Variants in ANXA8 observed in about 807,000 individuals in gnomAD.
ANXA8 encodes the protein annexin A8.
A neutral mutation model predicts 26.8 loss-of-function variants in ANXA8; 9 were observed. That is an observed-to-expected ratio of 0.34 (90% confidence interval 0.20 to 0.59). ANXA8 has a LOEUF of 0.59. ANXA8 is among the 20% of genes least tolerant of loss of function. The probability of loss-of-function intolerance (pLI) is 0.84; values close to 1 mark genes in which losing one functional copy is unlikely to be tolerated. For missense variants in ANXA8, 83 were observed against 238.5 expected (o/e 0.35, Z 4.29); for synonymous variants, 39 against 94.8 (o/e 0.41, Z 3.42).
At chr10:47,513,576 CA>C in the ANXA8 span, among the ~76,000 whole-genome samples, 4 of 140,574 alleles carry the variant, frequency 2.8e-5, no homozygotes, top group African/African-American at 5.1e-5. Context: ...CCGGCACAGC[CA>C]AAACAAAACT....
chr10:47,946,014 T>A, the ANXA8 span, among the ~76,000 whole-genome samples: 1 of 140,626 alleles, frequency 7.1e-6, no homozygotes, highest in Admixed American at 7.1e-5. Context: ...GGCTAACACA[T>A]TTTTTTTAGG....
chr10:47,665,999 G>C, the ANXA8 span, among the ~76,000 whole-genome samples: 1 of 151,760 alleles, frequency 6.6e-6, no homozygotes, highest in African/African-American at 2.4e-5. Context: ...AACTTGCCTA[G>C]TGAGAGTGAA....
chr10:47,693,456 A>AT, the ANXA8 span, among the ~76,000 whole-genome samples: 1 of 151,318 alleles, frequency 6.6e-6, no homozygotes, highest in African/African-American at 2.4e-5. Context: ...CGCGCGGCTA[A>AT]TTTTTTTGTA....
At chr10:47,565,106 A>G in the ANXA8 span, 2 of 754,120 alleles carry the variant, frequency 2.7e-6, no homozygotes, top group Admixed American at 3.6e-5. Context: ...GCGCCCGTCC[A>G]TCTCGCCCAA....
upstream of ANXA8, chr10:47,487,094 T>G: frequency 2.2e-6 from 2 of 929,784 alleles, no homozygotes; most frequent in Non-Finnish European, 3.2e-6. Context: ...CCCTGATTGA[T>G]CACTATTCTG....
chr10:47,941,549 G>A, the ANXA8 span, among the ~76,000 whole-genome samples: 1 of 147,072 alleles, frequency 6.8e-6, no homozygotes, highest in Admixed American at 6.7e-5. Flanking sequence ...CAGCACTCGG[G>A]AGGCTGAGGC....
At chr10:47,733,185 CTTTCTTTCTTTCTTTCT>C in the ANXA8 span, among the ~76,000 whole-genome samples, 146 of 113,772 alleles carry the variant, frequency 1.3e-3, no homozygotes, top group African/African-American at 4.1e-3. Flanking sequence ...TTCTTTCTTT[CTTTCTTTCTTTCTTTCT>C]TTCTTTCTTT....
chr10:47,660,804 C>CT, the ANXA8 span, among the ~76,000 whole-genome samples: 1 of 120,532 alleles, frequency 8.3e-6, no homozygotes, highest in East Asian at 2.2e-4. Context: ...TCTCCACTGA[C>CT]TGTCAAAAAA....
chr10:47,691,059 G>A, the ANXA8 span: 5 of 1,610,714 alleles, frequency 3.1e-6, no homozygotes, highest in Non-Finnish European at 4.2e-6. Flanking sequence ...CTATCTCCAT[G>A]CCATGTGAAG....
the ANXA8 span, among the ~76,000 whole-genome samples, chr10:47,772,284 C>T: frequency 1.3e-5 from 2 of 151,940 alleles, no homozygotes; most frequent in African/African-American, 4.8e-5. Context: ...TGCTCTGCCA[C>T]CTTCAAGTTT....
At chr10:47,600,558 G>A in the ANXA8 span, among the ~76,000 whole-genome samples, 1 of 148,170 alleles carries the variant, frequency 6.7e-6, no homozygotes, top group Non-Finnish European at 1.5e-5. Flanking sequence ...ACTGATTCCC[G>A]CCTTTCAATG....
chr10:47,724,815 A>T, the ANXA8 span, among the ~76,000 whole-genome samples: 2,468 of 139,118 alleles, frequency 0.018, 289 homozygotes, highest in African/African-American at 0.061. Context: ...ACAAAGCCTC[A>T]TACTCATTAG....
At chr10:47,595,101 GA>G in the ANXA8 span, among the ~76,000 whole-genome samples, 1 of 148,402 alleles carries the variant, frequency 6.7e-6, no homozygotes, top group South Asian at 2.1e-4. Flanking sequence ...GCAGAGATTA[GA>G]GGTCTATTTT....
the ANXA8 span, chr10:47,503,253 T>G: frequency 3.2e-6 from 5 of 1,544,962 alleles, 2 homozygotes; most frequent in East Asian, 1.4e-4. Flanking sequence ...ATTTTCCACT[T>G]CGCTTTAAGA....
chr10:47,647,388 C>A, the ANXA8 span, among the ~76,000 whole-genome samples: 1 of 150,750 alleles, frequency 6.6e-6, no homozygotes, highest in Non-Finnish European at 1.5e-5. Context: ...TGAATGATAT[C>A]ATATTATATT....
At chr10:47,570,857 A>G in the ANXA8 span, among the ~76,000 whole-genome samples, 1 of 148,674 alleles carries the variant, frequency 6.7e-6, no homozygotes, top group South Asian at 2.1e-4. Flanking sequence ...ATAACCTAAT[A>G]TAGAAATACA....
At chr10:47,747,036 GA>G in the ANXA8 span, among the ~76,000 whole-genome samples, 1 of 134,138 alleles carries the variant, frequency 7.5e-6, no homozygotes, top group African/African-American at 2.8e-5. Context: ...AAAGTTTTTG[GA>G]AAGCTTCCCA....
chr10:47,619,936 A>G, the ANXA8 span, among the ~76,000 whole-genome samples: 1 of 111,886 alleles, frequency 8.9e-6, no homozygotes, highest in Non-Finnish European at 2.0e-5. Context: ...GGAAATTCAT[A>G]GCATATTTTA....
the ANXA8 span, among the ~76,000 whole-genome samples, chr10:47,982,287 C>G: frequency 6.7e-6 from 1 of 150,224 alleles, no homozygotes; most frequent in Admixed American, 6.7e-5. Context: ...AAGACCCTAT[C>G]TCAAAAACAA....
Sources: allele counts gnomAD v4.1 joint callset (sites outside exome capture counted in the v4.1 genomes callset), GRCh38; gene constraint gnomAD v4.1.1; transcripts MANE v1.5; gene names NCBI Gene and HGNC (gene_info 2026-07-23, HGNC 2026-07-21).